Variants in MED24 observed in about 807,000 individuals in gnomAD.
The protein encoded by MED24 is mediator of RNA polymerase II transcription subunit 24.
Under a neutral mutation model 118.8 loss-of-function variants are expected in MED24, and 74 were observed. That is an observed-to-expected ratio of 0.62 (90% CI 0.52 to 0.76). The LOEUF (loss-of-function observed/expected upper bound fraction) is 0.76. MED24 is among the 30% of genes least tolerant of loss of function. The pLI is 0.00. For missense variants in MED24, 1,041 were observed against 1,278.9 expected (o/e 0.81, Z 2.84); for synonymous variants, 521 against 523.9 (o/e 0.99, Z 0.08).
In MED24 at chr17:40,048,822, TGGGATTA is replaced by T. The variant is rs1276333396; in HGVS notation, c.213+4469_213+4475del. Among the ~76,000 whole-genome samples, 10 of 152,292 alleles carry T rather than the reference TGGGATTA, an allele frequency of 6.6e-5. No individual in the cohort carries two copies. The East Asian group carries it at 1.9e-3, about 29-fold the overall frequency. Reference sequence around the variant, plus strand: ...CACCCACCTCAGCCTCCCAAAGTGCTGGGATTACAGGCAGGAGCCACCATGCCTGGCC... The same window carrying T: ...CACCCACCTCAGCCTCCCAAAGTGCTCAGGCAGGAGCCACCATGCCTGGCC... On this transcript the variant is annotated intron_variant, in intron 3 of 25. Transcript: ENST00000394128.
intron 19 of MED24, among the ~76,000 whole-genome samples, chr17:40,025,139 C>T (rs947122554): frequency 4.6e-5 from 7 of 152,252 alleles, no homozygotes; most frequent in African/African-American, 1.7e-4. Flanking sequence ...CAGTGAGTCA[C>T]GAAAAGGCAA....
chr17:40,032,782 T>G lies in MED24; in HGVS notation c.823-20A>C. On this transcript the variant is annotated intron_variant, in intron 8 of 25. Transcript: ENST00000394128. ...GATATGCTGTGGGAAGAGCCAAGGA[T>G]GAGGCCTAAGAGGGTGCCCATACCC... 1 of 1,603,764 alleles carries G rather than the reference T, an allele frequency of 6.2e-7. No individual in the cohort carries two copies. The highest frequency in any genetic ancestry group is 8.5e-7 in the Non-Finnish European group (1 of 1,171,002).
chr17:40,050,610 G>A (rs765401255), intron 3 of MED24, among the ~76,000 whole-genome samples: 54 of 151,184 alleles, frequency 3.6e-4, no homozygotes, highest in Middle Eastern at 6.8e-3. Context: ...GCAATACTCC[G>A]TCTCAGTAAA....
At position 40,032,105 on chromosome 17, in the gene MED24, A is replaced by C; in HGVS notation, c.937-15T>G. ...ACCTGTGGAATCTAGGGGGTGAGGC[A>C]GGGGGAAAAACAGGAAGATCCATTT... On this transcript the variant is annotated splice_polypyrimidine_tract_variant and intron_variant, in intron 9 of 25. Transcript: ENST00000394128. 1 of 1,613,312 alleles carries C rather than the reference A, an allele frequency of 6.2e-7. No individual in the cohort carries two copies. Among genetic ancestry groups the C allele is most frequent in the East Asian group, 2.2e-5 (1 of 44,876 alleles).
chr17:40,027,587 T>G, intron 15 of MED24, 122 bp from the exon 16 acceptor site: 1 of 900,368 alleles, frequency 1.1e-6, no homozygotes, highest in Non-Finnish European at 1.7e-6. Flanking sequence ...TTCAAAGCTC[T>G]GAGGCTCAGA....
At chr17:40,027,685 C>A (rs549015453) in intron 15 of MED24, 2 of 664,786 alleles carry the variant, frequency 3.0e-6, no homozygotes, top group Non-Finnish European at 5.2e-6. Flanking sequence ...CTAACCAAGT[C>A]GTAAAGGGAT....
chr17:40,032,840 TG>T, intron 8 of MED24, 78 bp from the exon 9 acceptor site: 3 of 1,434,820 alleles, frequency 2.1e-6, no homozygotes, highest in East Asian at 2.3e-5. Context: ...AGGATTTGGC[TG>T]GGTCAGAGAC....
chr17:40,032,421 A>G, intron 9 of MED24: 1 of 572,522 alleles, frequency 1.7e-6, no homozygotes, highest in Non-Finnish European at 3.1e-6. Flanking sequence ...CTGTCTGATG[A>G]CCAAGCTAAA....
Position 40,035,838 on chromosome 17 carries a change from A to ACC in MED24, c.253-45_253-44dup, listed in dbSNP as rs775383143. 6.4e-6 allele frequency: 10 copies of ACC among 1,569,960 alleles called. No individual in the cohort carries two copies. In the African/African-American group the frequency reaches 9.5e-5, roughly 15 times the overall value. On this transcript the variant is annotated intron_variant, in intron 4 of 25. Coordinates refer to ENST00000394128, the MANE Select transcript of MED24 (RefSeq NM_014815.4). Reference sequence around the variant, plus strand: ...GAGATGCTACGGAATGCCTCCATCCACCCCCAGGTCTCACATGAGGCAGAC... The same window carrying ACC: ...GAGATGCTACGGAATGCCTCCATCCACCCCCCCAGGTCTCACATGAGGCAGAC...
At chr17:40,032,933 C>T in intron 8 of MED24, 123 bp downstream of exon 8, 1 of 1,434,382 alleles carries the variant, frequency 7.0e-7, no homozygotes, top group Non-Finnish European at 9.5e-7. Context: ...CGACTGGCAC[C>T]CACTTTCCAT....
At chr17:40,046,473 C>T (rs1469687549) in intron 3 of MED24, among the ~76,000 whole-genome samples, 4 of 150,492 alleles carry the variant, frequency 2.7e-5, no homozygotes, top group South Asian at 2.1e-4. Flanking sequence ...AGGCCGGGCG[C>T]GGTGGCTCAC....
chr17:40,051,113 G>A (rs1052166143), intron 3 of MED24, among the ~76,000 whole-genome samples: 1 of 130,400 alleles, frequency 7.7e-6, no homozygotes, highest in Non-Finnish European at 1.6e-5. Flanking sequence ...TCCAGCCTGG[G>A]CAACAAGAGC....
chr17:40,052,375 C>T (rs1985950734), intron 3 of MED24, among the ~76,000 whole-genome samples: 2 of 152,134 alleles, frequency 1.3e-5, no homozygotes, highest in South Asian at 4.1e-4. Context: ...CAGCACATCA[C>T]CCCATTGTAA....
At chr17:40,045,693 T>A (rs1201615042) in intron 3 of MED24, among the ~76,000 whole-genome samples, 1 of 150,742 alleles carries the variant, frequency 6.6e-6, no homozygotes, top group Non-Finnish European at 1.5e-5. Context: ...GGAGGATGGC[T>A]TGAGCCAAGG....
chr17:40,033,440 G>T lies in MED24; in HGVS notation c.576C>A (p.Ile192=). The T allele has an allele frequency of 6.3e-7, 1 of 1,596,986 alleles. No individual in the cohort carries two copies. Among genetic ancestry groups the T allele is most frequent in the Non-Finnish European group, 8.5e-7 (1 of 1,171,232 alleles). Residue 192 remains isoleucine (I), a synonymous_variant, in exon 7 of 26, where the codon ATC becomes ATA. Coordinates refer to ENST00000394128, the MANE Select transcript of MED24 (RefSeq NM_014815.4). This position sits in a 1 kb window ranked among gnomAD's most constrained non-coding sequence, Gnocchi z 5.2. ...CTCCAAGTTTCAAGAGAGAATGCTC[G>T]ATGGCAGTCCAAGAAGCTGGCAGAG... The part of the protein sequence containing the change: ...KLEEASSWTA[I]EHSLLKLGEI...
At chr17:40,026,424 G>C (rs1255933000) in intron 18 of MED24, 93 bp from the exon 19 acceptor site, 1 of 1,482,898 alleles carries the variant, frequency 6.7e-7, no homozygotes, top group Non-Finnish European at 9.2e-7. Context: ...TAAGTGCAGC[G>C]GGTGGAGTCC....
Position 40,023,414 on chromosome 17 carries a change from A to G in MED24, c.1986-19T>C, listed in dbSNP as rs2302778. Reference sequence around the variant, plus strand: ...CACCACCCTGGGGGAGGGCCGAGAGAACCTGAGGCTCAGGTGCCACTGTAG... The same window carrying G: ...CACCACCCTGGGGGAGGGCCGAGAGGACCTGAGGCTCAGGTGCCACTGTAG... On this transcript the variant is annotated intron_variant, in intron 19 of 25. Transcript: ENST00000394128. The G allele has an allele frequency of 0.76, 1,189,286 of 1,564,406 alleles. 453,743 individuals are homozygous for G. The highest frequency in any genetic ancestry group is 0.84 in the Middle Eastern group (4,882 of 5,802).
At chr17:40,027,207 A>G in intron 16 of MED24, 173 bp from the exon 17 acceptor site, 1 of 1,081,880 alleles carries the variant, frequency 9.2e-7, no homozygotes, top group East Asian at 2.6e-5. Context: ...CTAGTGGTCA[A>G]TGTGAACATA....
At chr17:40,046,955 A>T (rs1051458428) in intron 3 of MED24, among the ~76,000 whole-genome samples, 1 of 151,968 alleles carries the variant, frequency 6.6e-6, no homozygotes, top group Admixed American at 6.6e-5. Flanking sequence ...AAAAAATTTA[A>T]AAATTAGCCA....
Sources: gnomAD v4.1 joint callset for allele counts (sites outside exome capture counted in the v4.1 genomes callset) on GRCh38, gnomAD v4.1.1 for gene constraint, Gnocchi (gnomAD v3.1) non-coding constraint, MANE v1.5 for transcripts, NCBI Gene and HGNC (gene_info 2026-07-23, HGNC 2026-07-21) for gene names.